Variants in CLU observed in about 807,000 individuals in gnomAD.
The protein encoded by CLU is aging-associated protein 4.
A neutral mutation model predicts 46.4 loss-of-function variants in CLU; 25 were observed. That is an observed-to-expected ratio of 0.54 (90% CI 0.39 to 0.75). The LOEUF is 0.75. CLU is among the 30% of genes least tolerant of loss of function. CLU has a pLI of 0.00. For missense variants in CLU, 504 were observed against 592.1 expected, an observed-to-expected ratio of 0.85 and a Z score of 1.54; for synonymous variants, 235 against 235.1, an observed-to-expected ratio of 1.00 and a Z score of 0.00.
chr8:27,612,399 G>T (rs1214811608), intron 1 of CLU, among the ~76,000 whole-genome samples: 1 of 152,164 alleles, frequency 6.6e-6, no homozygotes, highest in Admixed American at 6.5e-5. Flanking sequence ...AAACACGAGG[G>T]TCTTATGTAA....
intron 6 of CLU, among the ~76,000 whole-genome samples, chr8:27,602,759 A>G (rs1048836804): frequency 6.6e-6 from 1 of 152,024 alleles, no homozygotes; most frequent in African/African-American, 2.4e-5. Flanking sequence ...ATTCTTACCA[A>G]TAATTCTCTA....
At chr8:27,605,982 G>A (rs530016072) in intron 4 of CLU, among the ~76,000 whole-genome samples, 1 of 152,040 alleles carries the variant, frequency 6.6e-6, no homozygotes, top group East Asian at 1.9e-4. Flanking sequence ...CGAAGCTGCA[G>A]TGAAACATGA....
chr8:27,612,031 G>A (rs1367656747), intron 1 of CLU: 1 of 340,026 alleles, frequency 2.9e-6, no homozygotes, highest in Non-Finnish European at 5.8e-6. Context: ...GCTGGGCCAT[G>A]AAGAATGGGG....
intron 5 of CLU, 28 bp downstream of exon 5, chr8:27,604,896 A>G (rs755185281): frequency 6.2e-7 from 1 of 1,613,580 alleles, no homozygotes; most frequent in Non-Finnish European, 8.5e-7. Flanking sequence ...AGTTGCTCAA[A>G]AGGCCATGAG....
chr8:27,606,602 C>A, intron 3 of CLU, 78 bp from the exon 4 acceptor site: 1 of 1,571,460 alleles, frequency 6.4e-7, no homozygotes. Flanking sequence ...GGGTGCCAGG[C>A]CCTCTGCCCC....
In CLU at chr8:27,596,974, G is replaced by T. The variant is rs757271129; in HGVS notation, c.*1267C>A. On this transcript the variant is annotated 3_prime_UTR_variant, in exon 9 of 9. Coordinates refer to ENST00000316403, the MANE Select transcript of CLU (RefSeq NM_001831.4). ...AATGTGACATATACTTTACAATTAT[G>T]ATCACTTAAGCAAATACCTCTGACC... 1 of 453,964 alleles carries T rather than the reference G, an allele frequency of 2.2e-6. No homozygotes were observed. Among genetic ancestry groups the T allele is most frequent in the South Asian group, 1.6e-5 (1 of 64,470 alleles). 28.1% of individuals were successfully genotyped at this position (453,964 alleles called of 1,614,324 possible).
Position 27,606,457 on chromosome 8 carries a change from G to A in CLU, c.314C>T (p.Thr105Ile), listed in dbSNP as rs754785720. ...ACACTCTTCCCAGAGGGCCATCATG[G>A]TCTCATTGCACACTCCTGGGAGCTC... ...LKELPGVCNE[T>I]MMALWEECKP... The change falls in exon 4 of 9, where the codon ACC becomes ATC. Residue 105 changes from threonine (T) to isoleucine (I), a missense_variant. This residue lies in a region of CLU where 428 missense variants were observed against 484.0 expected (regional missense o/e 0.88). Coordinates refer to ENST00000316403, the MANE Select transcript of CLU (RefSeq NM_001831.4). 3 of 1,614,090 alleles carry A rather than the reference G, an allele frequency of 1.9e-6. No individual in the cohort carries two copies. The highest frequency in any genetic ancestry group is 1.3e-5 in the African/African-American group (1 of 74,924).
Position 27,599,985 on chromosome 8 carries a change from T to C in CLU, c.959A>G (p.Gln320Arg), listed in dbSNP as rs768006391. ...GTCGAGCTCCCGCCGCAGCTTAGCC[T>C]GGGAGGGGTTGTTGGTGGAACAGTC... ...SVDCSTNNPSQAKLRRELDES... is the reference protein window; with the variant it reads ...SVDCSTNNPSRAKLRRELDES... Residue 320 changes from glutamine to arginine, a missense_variant, in exon 7 of 9, where the codon CAG becomes CGG. Gln to Arg is a conservative substitution (Grantham distance 43). Coordinates refer to ENST00000316403, the MANE Select transcript of CLU (RefSeq NM_001831.4). This position sits in a 1 kb window ranked among gnomAD's most constrained non-coding sequence, Gnocchi z 4.0. 1.3e-5 allele frequency: 21 copies of C among 1,614,006 alleles called. No homozygotes were observed. Among genetic ancestry groups the C allele is most frequent in the Non-Finnish European group, 1.7e-5 (20 of 1,180,006 alleles).
chr8:27,609,758 G>T (rs181240399), intron 2 of CLU, among the ~76,000 whole-genome samples: 6 of 152,264 alleles, frequency 3.9e-5, no homozygotes, highest in Admixed American at 3.9e-4. Flanking sequence ...CAGGTAGGAG[G>T]AGTATGTTCT....
chr8:27,614,124 G>A (rs1000373120), intron 1 of CLU: 1 of 152,368 alleles, frequency 6.6e-6, no homozygotes, highest in East Asian at 1.9e-4. Context: ...AGAAAAAGTC[G>A]GATTTCGGTG....
chr8:27,600,657 T>C (rs1348194167), intron 6 of CLU, among the ~76,000 whole-genome samples: 1 of 152,214 alleles, frequency 6.6e-6, no homozygotes, highest in East Asian at 1.9e-4. Context: ...CCAAAAGCAC[T>C]GATCTCAAGT....
chr8:27,603,107 C>T (rs950577290), intron 6 of CLU, among the ~76,000 whole-genome samples: 2 of 152,240 alleles, frequency 1.3e-5, no homozygotes, highest in South Asian at 2.1e-4. Context: ...TTAAGATTGG[C>T]GCCAGACCTG....
At chr8:27,602,491 C>T (rs1372551585) in intron 6 of CLU, among the ~76,000 whole-genome samples, 1 of 151,802 alleles carries the variant, frequency 6.6e-6, no homozygotes, top group African/African-American at 2.4e-5. Flanking sequence ...TAGTCTGTTA[C>T]TCAGGAGGCT....
At chr8:27,606,617 C>T in intron 3 of CLU, 93 bp from the exon 4 acceptor site, 1 of 1,500,866 alleles carries the variant, frequency 6.7e-7, no homozygotes, top group Non-Finnish European at 9.2e-7. Flanking sequence ...TGCCCCAGGG[C>T]AGGCCTTCCC....
intron 6 of CLU, among the ~76,000 whole-genome samples, chr8:27,600,707 AG>A (rs1800704384): frequency 1.3e-5 from 2 of 152,272 alleles, no homozygotes; most frequent in East Asian, 3.9e-4. Context: ...TCGTTGCCCT[AG>A]TCCCTCCCGG....
At position 27,608,845 on chromosome 8, in the gene CLU, C is replaced by T. The variant is rs991299527; in HGVS notation, c.246+93G>A. On this transcript the variant is annotated intron_variant, in intron 3 of 8. Coordinates refer to ENST00000316403, the MANE Select transcript of CLU (RefSeq NM_001831.4). ...CACAGCCTGGGAGGACTGCGGGTCACCATGGCAACCCAGCAGGGCACCGCG... is the reference window on the plus strand; with the variant it reads ...CACAGCCTGGGAGGACTGCGGGTCATCATGGCAACCCAGCAGGGCACCGCG... The T allele has an allele frequency of 6.4e-6, 9 of 1,407,688 alleles. No individual in the cohort carries two copies. The African/African-American group carries it at 1.3e-4, about 20-fold the overall frequency. The allele number at this position is 1,407,688 out of a possible 1,614,324, so 87.2% of individuals were successfully genotyped here.
intron 8 of CLU, 102 bp from the exon 9 acceptor site, chr8:27,598,352 G>A (rs1800649787): frequency 2.5e-6 from 4 of 1,593,092 alleles, no homozygotes; most frequent in East Asian, 2.2e-5. Flanking sequence ...CTGGCTCCGG[G>A]CGGAGTCGTT....
At chr8:27,600,102 C>T (rs1335928970) in intron 6 of CLU, 93 bp from the exon 7 acceptor site, 12 of 963,194 alleles carry the variant, frequency 1.2e-5, no homozygotes, top group Non-Finnish European at 1.8e-5. Flanking sequence ...GCACATGCAG[C>T]GGGAACAAAA....
At chr8:27,610,977 GA>G in intron 1 of CLU, 1 of 363,782 alleles carries the variant, frequency 2.7e-6, no homozygotes, top group African/African-American at 2.1e-5. Flanking sequence ...GTCAGACACT[GA>G]AAATACCCCC....
Sources: allele counts gnomAD v4.1 joint callset (sites outside exome capture counted in the v4.1 genomes callset), GRCh38; gene constraint gnomAD v4.1.1; regional missense constraint gnomAD v4.1.1; non-coding constraint Gnocchi (gnomAD v3.1); transcripts MANE v1.5; gene names NCBI Gene and HGNC (gene_info 2026-07-23, HGNC 2026-07-21).